The following EGFLAM variants were observed in gnomAD, a reference collection of about 807,000 sequenced individuals.
EGFLAM encodes the protein EGF like, fibronectin type III and laminin G domains.
Under a neutral mutation model 113.1 loss-of-function variants are expected in EGFLAM, and 79 were observed. That is an observed-to-expected ratio of 0.70 (90% confidence interval 0.58 to 0.84). EGFLAM has a LOEUF of 0.84. Among genes scored for constraint, EGFLAM ranks in the 40% least tolerant of loss-of-function variants. The pLI is 0.00. For synonymous variants in EGFLAM, 504 were observed against 487.6 expected (o/e 1.03, Z -0.44); for missense variants, 1,265 against 1,291.6 (o/e 0.98, Z 0.32).
At chr5:38,381,204 G>A (rs1450713795) in intron 6 of EGFLAM, among the ~76,000 whole-genome samples, 1 of 151,936 alleles carries the variant, frequency 6.6e-6, no homozygotes, top group Non-Finnish European at 1.5e-5. Context: ...AATCTTTTCT[G>A]TTCTTTCCTT....
At chr5:38,276,075 C>T (rs866853004) in intron 1 of EGFLAM, among the ~76,000 whole-genome samples, 2 of 152,130 alleles carry the variant, frequency 1.3e-5, no homozygotes, top group African/African-American at 4.8e-5. Flanking sequence ...ACTTACAGTT[C>T]CACATGGCTG....
chr5:38,452,916 T>TG (rs1272351021), intron 19 of EGFLAM, among the ~76,000 whole-genome samples: 1 of 152,154 alleles, frequency 6.6e-6, no homozygotes, highest in African/African-American at 2.4e-5. Context: ...CTTACCAGAT[T>TG]GGGTGAAAGC....
At chr5:38,362,843 C>A (rs1050718513) in intron 5 of EGFLAM, among the ~76,000 whole-genome samples, 1 of 152,218 alleles carries the variant, frequency 6.6e-6, no homozygotes, top group Non-Finnish European at 1.5e-5. Context: ...GCAAATTGAT[C>A]CCGTAAAGCT....
intron 10 of EGFLAM, among the ~76,000 whole-genome samples, chr5:38,410,818 G>A (rs73749227): frequency 0.018 from 2,684 of 152,294 alleles, 73 homozygotes; most frequent in African/African-American, 0.061. Context: ...GGGCTGGCCA[G>A]CTTGCCAAAA....
At chr5:38,308,124 T>C (rs1758775844) in intron 1 of EGFLAM, among the ~76,000 whole-genome samples, 1 of 152,236 alleles carries the variant, frequency 6.6e-6, no homozygotes, top group East Asian at 1.9e-4. Flanking sequence ...ACGTGCTTTT[T>C]AAATAGTCCC....
intron 3 of EGFLAM, among the ~76,000 whole-genome samples, chr5:38,349,771 A>ACG (rs767521286): frequency 0.031 from 3,537 of 114,258 alleles, 87 homozygotes; most frequent in African/African-American, 0.085. Flanking sequence ...GGAAGTACAC[A>ACG]CGCACACACA....
intron 6 of EGFLAM, among the ~76,000 whole-genome samples, chr5:38,391,863 A>G (rs1460297334): frequency 6.7e-6 from 1 of 149,986 alleles, no homozygotes; most frequent in Admixed American, 6.6e-5. Context: ...TGCAAACTCT[A>G]CCTCCCAGGT....
intron 1 of EGFLAM, among the ~76,000 whole-genome samples, chr5:38,317,280 A>G (rs991050811): frequency 3.3e-5 from 5 of 152,200 alleles, no homozygotes; most frequent in Non-Finnish European, 5.9e-5. Context: ...GCTGGGTATC[A>G]TCTTGTTAAG....
rs549672054 is a variant in EGFLAM, at chr5:38,279,337, C to T, written c.97+20486C>T. Reference sequence around the variant, plus strand: ...CTTTATCTAAAAATTAATAGAACTACCATATGAACCAGCAATCCCACTAGT... The same window carrying T: ...CTTTATCTAAAAATTAATAGAACTATCATATGAACCAGCAATCCCACTAGT... On this transcript the variant is annotated intron_variant, in intron 1 of 21. Transcript: ENST00000322350. Among the ~76,000 whole-genome samples, 574 of 152,214 alleles carry T rather than the reference C, an allele frequency of 3.8e-3. 3 individuals carry two copies. The highest frequency in any genetic ancestry group is 6.2e-3 in the Non-Finnish European group (420 of 68,022).
Position 38,258,719 on chromosome 5 carries a change from G to C in EGFLAM, c.-36G>C, listed in dbSNP as rs772831383. The stretch of plus-strand genomic sequence containing the variant: ...GGAGACGCCCTTTCCGTGTGCGCCC[G>C]GGACTTGGTGAAACTTTGCAGGCGC... On this transcript the variant is annotated 5_prime_UTR_variant, in exon 1 of 22. Transcript: ENST00000322350. 2 of 1,583,786 alleles carry C rather than the reference G, an allele frequency of 1.3e-6. No homozygotes were observed. Among genetic ancestry groups the C allele is most frequent in the South Asian group, 2.3e-5 (2 of 87,818 alleles).
At chr5:38,424,478 G>A (rs1037107081) in intron 12 of EGFLAM, among the ~76,000 whole-genome samples, 5 of 152,194 alleles carry the variant, frequency 3.3e-5, no homozygotes, top group East Asian at 3.8e-4. Context: ...CAGCTTAGAC[G>A]TGGCTGGGTA....
At chr5:38,287,660 C>T (rs576963786) in intron 1 of EGFLAM, among the ~76,000 whole-genome samples, 8 of 152,232 alleles carry the variant, frequency 5.3e-5, no homozygotes, top group Non-Finnish European at 1.2e-4. Flanking sequence ...GTGTGAGCCA[C>T]TGCTCCTGGC....
At chr5:38,382,707 A>G (rs1023483238) in intron 6 of EGFLAM, among the ~76,000 whole-genome samples, 1 of 152,206 alleles carries the variant, frequency 6.6e-6, no homozygotes, top group Non-Finnish European at 1.5e-5. Flanking sequence ...TTTTTTCAAA[A>G]GGAAAAATAA....
In EGFLAM at chr5:38,333,742, CTG is replaced by C. The variant is rs372667529; in HGVS notation, c.98-3776_98-3775del. Among the ~76,000 whole-genome samples the C allele has an allele frequency of 1.8e-3, 277 of 152,200 alleles. 2 individuals are homozygous for C. The highest frequency in any genetic ancestry group is 6.5e-3 in the African/African-American group (269 of 41,528). ...TAGACTGCAAATATTTTCTCCCACT[CTG>C]TAGGTTGTCTGTTTACTCTGTTGAT... On this transcript the variant is annotated intron_variant, in intron 1 of 21. Transcript: ENST00000322350.
chr5:38,395,758 A>G (rs1292496300), intron 6 of EGFLAM, among the ~76,000 whole-genome samples: 1 of 152,080 alleles, frequency 6.6e-6, no homozygotes, highest in East Asian at 1.9e-4. Context: ...TCTCTTTGCC[A>G]TCTCACTCTC....
intron 17 of EGFLAM, among the ~76,000 whole-genome samples, chr5:38,440,434 C>T (rs956747131): frequency 3.3e-5 from 5 of 152,104 alleles, no homozygotes; most frequent in African/African-American, 9.7e-5. Flanking sequence ...CCAGCAGGTA[C>T]CAATTGTGGG....
chr5:38,392,813 CTT>C (rs1300953141), intron 6 of EGFLAM, among the ~76,000 whole-genome samples: 1 of 152,190 alleles, frequency 6.6e-6, no homozygotes, highest in African/African-American at 2.4e-5. Flanking sequence ...AGGTATATCT[CTT>C]AGTGCTATCC....
At chr5:38,415,805 T>C (rs1310564654) in intron 11 of EGFLAM, among the ~76,000 whole-genome samples, 1 of 152,076 alleles carries the variant, frequency 6.6e-6, no homozygotes, top group African/African-American at 2.4e-5. Context: ...CTTACAATCA[T>C]GGTGGAAGGG....
intron 1 of EGFLAM, among the ~76,000 whole-genome samples, chr5:38,276,497 TA>T (rs1445269597): frequency 7.9e-5 from 12 of 152,056 alleles, no homozygotes; most frequent in African/African-American, 2.7e-4. Context: ...TTAAATAATC[TA>T]AAATTGTACC....
Sources: allele counts gnomAD v4.1 joint callset (sites outside exome capture counted in the v4.1 genomes callset), GRCh38; gene constraint gnomAD v4.1.1; transcripts MANE v1.5; gene names NCBI Gene and HGNC (gene_info 2026-07-23, HGNC 2026-07-21).